Variants in CFAP299 observed in about 807,000 individuals in gnomAD.
CFAP299 encodes cilia and flagella associated protein 299.
CFAP299 carries 21 observed loss-of-function variants against 27.0 expected under a neutral mutation model. The observed-to-expected ratio is 0.78, with a 90% CI of 0.55 to 1.12. CFAP299 has a LOEUF of 1.12. Ranked by LOEUF, CFAP299 falls within the 50% of genes most tolerant of loss-of-function variation. The pLI is 0.00. For synonymous variants in CFAP299, 104 were observed against 98.1 expected, an observed-to-expected ratio of 1.06 and a Z score of -0.36; for missense variants, 310 against 276.6, an observed-to-expected ratio of 1.12 and a Z score of -0.86.
Position 80,676,428 on chromosome 4 carries a change from A to T in CFAP299, c.333+93245A>T, listed in dbSNP as rs188900744. Reference sequence around the variant, plus strand: ...AATGGCCTGTAGTTTTATTTTTGTTATATCCTTTTCTGGTTTTGATATCAG... The same window carrying T: ...AATGGCCTGTAGTTTTATTTTTGTTTTATCCTTTTCTGGTTTTGATATCAG... On this transcript the variant is annotated intron_variant, in intron 3 of 5. Transcript: ENST00000358105. 1.8e-3 allele frequency among the ~76,000 whole-genome samples: 281 copies of T among 152,074 alleles called. 1 individual carries two copies. The highest frequency in any genetic ancestry group is 6.2e-3 in the African/African-American group (258 of 41,482).
At chr4:80,941,661 A>AAAAAAAC (rs113474937) in intron 4 of CFAP299, among the ~76,000 whole-genome samples, 2 of 152,112 alleles carry the variant, frequency 1.3e-5, no homozygotes, top group African/African-American at 4.8e-5. Context: ...ATTTATTTAA[A>AAAAAAAC]AAAACAAAAC....
intron 2 of CFAP299, among the ~76,000 whole-genome samples, chr4:80,546,028 A>T (rs1475558255): frequency 6.6e-6 from 1 of 152,204 alleles, no homozygotes; most frequent in East Asian, 1.9e-4. Flanking sequence ...TAGACACAGA[A>T]AAGACCTTTG....
rs183543259 is a variant in CFAP299, at chr4:80,398,518, A to C, written c.242+35634A>C. ...TATAGACCAATGGAACAGAACAGAG[A>C]CCTCAGAAATAATACCACACATCTA... On this transcript the variant is annotated intron_variant, in intron 2 of 5. Transcript: ENST00000358105. 3.2e-3 allele frequency among the ~76,000 whole-genome samples: 480 copies of C among 152,194 alleles called. 1 individual carries two copies. Among genetic ancestry groups the C allele is most frequent in the Non-Finnish European group, 4.4e-3 (301 of 68,004 alleles).
chr4:80,877,025 T>G (rs1416959279), intron 4 of CFAP299, among the ~76,000 whole-genome samples: 3 of 152,146 alleles, frequency 2.0e-5, no homozygotes, highest in Non-Finnish European at 4.4e-5. Flanking sequence ...GTAAGAATTA[T>G]AGTGTCCCCA....
At chr4:80,840,289 C>A (rs1011046547) in intron 3 of CFAP299, among the ~76,000 whole-genome samples, 3 of 151,990 alleles carry the variant, frequency 2.0e-5, no homozygotes, top group Non-Finnish European at 4.4e-5. Flanking sequence ...GTACATCTAT[C>A]AAAAGTGTTT....
At chr4:80,518,945 G>A (rs756690555) in intron 2 of CFAP299, among the ~76,000 whole-genome samples, 1 of 152,172 alleles carries the variant, frequency 6.6e-6, no homozygotes, top group African/African-American at 2.4e-5. Flanking sequence ...GTACTGGCAA[G>A]TGAAGTGAAT....
At chr4:80,949,245 C>A (rs1737638614) in intron 5 of CFAP299, among the ~76,000 whole-genome samples, 2 of 152,104 alleles carry the variant, frequency 1.3e-5, no homozygotes, top group Admixed American at 6.6e-5. Flanking sequence ...AGACTTCAAT[C>A]TTTGCCCTTT....
At chr4:80,685,922 A>G (rs1720160015) in intron 3 of CFAP299, among the ~76,000 whole-genome samples, 1 of 152,168 alleles carries the variant, frequency 6.6e-6, no homozygotes, top group African/African-American at 2.4e-5. Flanking sequence ...TATGCCTGCC[A>G]TGGGATCTAC....
intron 4 of CFAP299, among the ~76,000 whole-genome samples, chr4:80,931,165 G>A (rs1037354443): frequency 9.4e-5 from 14 of 148,614 alleles, no homozygotes; most frequent in African/African-American, 3.5e-4. Context: ...GTGAGTGAGT[G>A]AGTGAGTGAG....
At chr4:80,734,621 C>A (rs1333225187) in intron 3 of CFAP299, among the ~76,000 whole-genome samples, 1 of 152,074 alleles carries the variant, frequency 6.6e-6, no homozygotes, top group African/African-American at 2.4e-5. Context: ...AGTCTTTAAT[C>A]AATTTTGATT....
At chr4:80,600,647 T>C (rs1737292715) in intron 3 of CFAP299, among the ~76,000 whole-genome samples, 1 of 152,146 alleles carries the variant, frequency 6.6e-6, no homozygotes. Context: ...TTGCATACTG[T>C]GGTTATTTGC....
chr4:80,480,473 TA>T (rs1481664363), intron 2 of CFAP299, among the ~76,000 whole-genome samples: 1 of 152,048 alleles, frequency 6.6e-6, no homozygotes, highest in Non-Finnish European at 1.5e-5. Context: ...AGTCCCTAGT[TA>T]TATAACTATG....
At chr4:80,772,186 A>T (rs1422167261) in intron 3 of CFAP299, among the ~76,000 whole-genome samples, 2 of 152,192 alleles carry the variant, frequency 1.3e-5, no homozygotes, top group Non-Finnish European at 2.9e-5. Context: ...AAGTAAACAG[A>T]TCGTAAAGAT....
chr4:80,783,548 C>CGG (rs1430439300), intron 3 of CFAP299, among the ~76,000 whole-genome samples: 1 of 152,078 alleles, frequency 6.6e-6, no homozygotes, highest in African/African-American at 2.4e-5. Context: ...GAATGTAAAA[C>CGG]TTCTTTAATG....
intron 3 of CFAP299, among the ~76,000 whole-genome samples, chr4:80,625,401 AGC>A (rs1738833134): frequency 6.6e-6 from 1 of 151,994 alleles, no homozygotes; most frequent in Admixed American, 6.6e-5. Flanking sequence ...ATAAAAAGCA[AGC>A]AATCAAAACA....
intron 3 of CFAP299, among the ~76,000 whole-genome samples, chr4:80,834,807 A>T (rs538986760): frequency 1.1e-3 from 174 of 152,252 alleles, no homozygotes; most frequent in Middle Eastern, 3.4e-3. Context: ...TGTCATCGGT[A>T]CTTGGATGAA....
At chr4:80,327,177 G>T in the CFAP299 span, among the ~76,000 whole-genome samples, 1 of 152,204 alleles carries the variant, frequency 6.6e-6, no homozygotes, top group East Asian at 1.9e-4. Flanking sequence ...ATGCCCTAAG[G>T]TATCTTTGAC....
intron 3 of CFAP299, among the ~76,000 whole-genome samples, chr4:80,716,768 G>A (rs114654012): frequency 0.011 from 1,631 of 152,178 alleles, 23 homozygotes; most frequent in African/African-American, 0.037. Flanking sequence ...ATCTGAATAT[G>A]TATATACATA....
chr4:80,539,309 C>T (rs1258252862), intron 2 of CFAP299, among the ~76,000 whole-genome samples: 1 of 152,302 alleles, frequency 6.6e-6, no homozygotes, highest in East Asian at 1.9e-4. Context: ...TAATTGCTTA[C>T]ATTTCCCAGG....
Sources: gnomAD v4.1 joint callset for allele counts (sites outside exome capture counted in the v4.1 genomes callset) on GRCh38, gnomAD v4.1.1 for gene constraint, MANE v1.5 for transcripts, NCBI Gene and HGNC (gene_info 2026-07-23, HGNC 2026-07-21) for gene names.